The following CSMD2 variants were observed in gnomAD, a reference collection of about 807,000 sequenced individuals.
The protein encoded by CSMD2 is CUB and sushi domain-containing protein 2.
A neutral mutation model predicts 398.5 loss-of-function variants in CSMD2; 130 were observed. The ratio of observed to expected loss-of-function variants is 0.33; its 90% CI spans 0.28 to 0.38. CSMD2 has a LOEUF of 0.38. Among genes scored for constraint, CSMD2 ranks in the 10% least tolerant of loss-of-function variants. The probability of loss-of-function intolerance (pLI) is 1.00; values close to 1 mark genes in which losing one functional copy is unlikely to be tolerated. For synonymous variants in CSMD2, 1,828 were observed against 1,908.5 expected (o/e 0.96, Z 1.10); for missense variants, 3,829 against 4,764.9 (o/e 0.80, Z 5.78).
intron 15 of CSMD2, among the ~76,000 whole-genome samples, chr1:33,732,530 G>A (rs1484525381): frequency 1.3e-5 from 2 of 152,194 alleles, no homozygotes; most frequent in Non-Finnish European, 2.9e-5. Context: ...GAGAGGAAGT[G>A]GGCATCTGCA....
chr1:33,855,493 T>C (rs1385572404), intron 5 of CSMD2, among the ~76,000 whole-genome samples: 1 of 152,192 alleles, frequency 6.6e-6, no homozygotes, highest in Non-Finnish European at 1.5e-5. Context: ...GCATCATTTC[T>C]TCCACTTCTG....
chr1:34,082,549 C>T (rs919497855), intron 2 of CSMD2, among the ~76,000 whole-genome samples: 118 of 152,296 alleles, frequency 7.7e-4, no homozygotes, highest in African/African-American at 2.7e-3. Context: ...CCCCTCTGCC[C>T]GTCCACCACC....
At chr1:33,532,379 G>C (rs2148561619) in intron 64 of CSMD2, among the ~76,000 whole-genome samples, 1 of 152,316 alleles carries the variant, frequency 6.6e-6, no homozygotes. Context: ...TGCTATTCCA[G>C]CACTGAACTA....
In CSMD2 at chr1:33,602,371, G is replaced by C; in HGVS notation, c.6708C>G (p.Ile2236Met). 6.2e-7 allele frequency: 1 copy of C among 1,613,894 alleles called. No homozygotes were observed. The highest frequency in any genetic ancestry group is 8.5e-7 in the Non-Finnish European group (1 of 1,179,920). Residue 2236 changes from isoleucine to methionine, a missense_variant and splice_region_variant, in exon 43 of 71, where the codon ATC (isoleucine) becomes ATG (methionine). By Grantham distance (10) the Ile-to-Met change is conservative. Around this residue, in one of 5 missense-constraint regions of CSMD2, gnomAD observed 723 missense variants for 758.6 expected, o/e 0.95. Coordinates refer to ENST00000373381, the MANE Select transcript of CSMD2 (RefSeq NM_001281956.2). ...TGTTGACATGGCACCTGGCCTACCAGATGGTGATGAAATCTCCAGAGGGCT... is the reference window on the plus strand; with the variant it reads ...TGTTGACATGGCACCTGGCCTACCACATGGTGATGAAATCTCCAGAGGGCT... ...QTEPSGDFITIWDGPQQTAPR... is the reference protein window; with the variant it reads ...QTEPSGDFITMWDGPQQTAPR...
At chr1:34,079,973 A>T (rs1571033826) in intron 2 of CSMD2, among the ~76,000 whole-genome samples, 1 of 151,984 alleles carries the variant, frequency 6.6e-6, no homozygotes, top group Admixed American at 6.5e-5. Flanking sequence ...AGGATTTTTT[A>T]AAAATTTAAC....
Position 33,712,529 on chromosome 1 carries a change from G to A in CSMD2, c.3406+2058C>T, listed in dbSNP as rs1365246242. 2.0e-5 allele frequency among the ~76,000 whole-genome samples: 3 copies of A among 152,192 alleles called. No individual in the cohort carries two copies. The East Asian group carries it at 5.8e-4, about 29-fold the overall frequency. ...GTAATTAGAGGTGACTATAACTACT[G>A]TGCATTATTAATAACATGTGAAACA... is the stretch of plus-strand genomic sequence containing the variant. On this transcript the variant is annotated intron_variant, in intron 21 of 70. Transcript: ENST00000373381.
At chr1:33,539,882 C>G (rs1354876621) in intron 60 of CSMD2, among the ~76,000 whole-genome samples, 1 of 152,162 alleles carries the variant, frequency 6.6e-6, no homozygotes, top group African/African-American at 2.4e-5. Flanking sequence ...TTCAGAGGAA[C>G]CCAAAACAGT....
chr1:33,920,384 A>C (rs1317724558), intron 4 of CSMD2, among the ~76,000 whole-genome samples: 6 of 151,410 alleles, frequency 4.0e-5, no homozygotes, highest in Admixed American at 6.6e-5. Context: ...CAAAAAAAAA[A>C]AAAAAAAGTT....
intron 4 of CSMD2, among the ~76,000 whole-genome samples, chr1:33,923,091 TTTA>T (rs1644004261): frequency 1.3e-5 from 2 of 152,146 alleles, no homozygotes; most frequent in South Asian, 2.1e-4. Context: ...CCTTAAAAAA[TTTA>T]TTGTTATAAA....
intron 13 of CSMD2, among the ~76,000 whole-genome samples, chr1:33,749,185 C>A (rs1348197274): frequency 6.7e-6 from 1 of 150,296 alleles, no homozygotes; most frequent in African/African-American, 2.4e-5. Context: ...GCAGGCTCCA[C>A]CCCCCCAGGT....
At position 33,602,385 on chromosome 1, in the gene CSMD2, C is replaced by T; in HGVS notation, c.6694G>A (p.Asp2232Asn). 6.2e-7 allele frequency: 1 copy of T among 1,613,720 alleles called. No individual in the cohort carries two copies. Among genetic ancestry groups the T allele is most frequent in the Non-Finnish European group, 8.5e-7 (1 of 1,179,888 alleles). Residue 2232 changes from aspartate to asparagine, a missense_variant, in exon 43 of 71, where the codon GAT becomes AAT. Physicochemically the swap from Asp to Asn is conservative, Grantham distance 23 (BLOSUM62 1). Transcript: ENST00000373381. The part of the protein sequence containing the change: ...LSLLQTEPSG[D>N]FITIWDGPQQ... ...CTGGCCTACCAGATGGTGATGAAATCTCCAGAGGGCTCTGTCTGCAGCAGG... is the reference window on the plus strand; with the variant it reads ...CTGGCCTACCAGATGGTGATGAAATTTCCAGAGGGCTCTGTCTGCAGCAGG...
chr1:33,931,561 C>G (rs950787137), intron 4 of CSMD2, among the ~76,000 whole-genome samples: 1 of 152,096 alleles, frequency 6.6e-6, no homozygotes, highest in South Asian at 2.1e-4. Context: ...TTGAGCAGAA[C>G]CACATCTCAG....
intron 1 of CSMD2, among the ~76,000 whole-genome samples, chr1:34,098,926 A>C (rs545850301): frequency 1.4e-4 from 21 of 147,042 alleles, no homozygotes; most frequent in African/African-American, 5.1e-4. Flanking sequence ...ACAGAATATC[A>C]GAAAGCATAC....
At chr1:33,782,956 A>G (rs1343569251) in intron 12 of CSMD2, among the ~76,000 whole-genome samples, 1 of 152,020 alleles carries the variant, frequency 6.6e-6, no homozygotes, top group Non-Finnish European at 1.5e-5. Context: ...AGATGGGTAG[A>G]TGGGAGTGAG....
At chr1:33,995,521 T>C (rs1411770608) in intron 3 of CSMD2, among the ~76,000 whole-genome samples, 1 of 152,212 alleles carries the variant, frequency 6.6e-6, no homozygotes, top group African/African-American at 2.4e-5. Context: ...TTCTGGGATA[T>C]GGTCTCTGCA....
intron 22 of CSMD2, among the ~76,000 whole-genome samples, chr1:33,707,711 A>ACACG (rs1645849108): frequency 7.5e-6 from 1 of 133,740 alleles, no homozygotes; most frequent in Non-Finnish European, 1.5e-5. Flanking sequence ...ACACACACAC[A>ACACG]CACACACACA....
At chr1:33,580,666 A>G in intron 48 of CSMD2, 87 bp downstream of exon 48, 2 of 1,453,652 alleles carry the variant, frequency 1.4e-6, no homozygotes, top group Non-Finnish European at 1.9e-6. Context: ...CAGATTTAGG[A>G]GGGGAATGGC....
intron 55 of CSMD2, among the ~76,000 whole-genome samples, chr1:33,551,022 T>C (rs781191127): frequency 1.3e-5 from 2 of 152,164 alleles, no homozygotes; most frequent in Non-Finnish European, 2.9e-5. Flanking sequence ...ATTTATTGAG[T>C]CCCTGTCATG....
intron 44 of CSMD2, chr1:33,600,629 C>A: frequency 1.8e-6 from 1 of 566,496 alleles, no homozygotes. Context: ...GGCTTCTGTG[C>A]CTCTCTGCCC....
Sources: gnomAD v4.1 joint callset for allele counts (sites outside exome capture counted in the v4.1 genomes callset) on GRCh38, gnomAD v4.1.1 for gene constraint, gnomAD v4.1.1 regional missense constraint, MANE v1.5 for transcripts, NCBI Gene and HGNC (gene_info 2026-07-23, HGNC 2026-07-21) for gene names.